RBFOX1: variants seen among roughly 807,000 people sequenced by gnomAD.
The protein encoded by RBFOX1 is RNA binding fox-1 homolog 1, also known as RNA binding protein fox-1 homolog 1.
Under a neutral mutation model 57.7 loss-of-function variants are expected in RBFOX1, and 8 were observed. The observed-to-expected ratio is 0.14, with a 90% CI of 0.08 to 0.25. The LOEUF (loss-of-function observed/expected upper bound fraction) is 0.25, where lower values mean the gene tolerates loss of function less well. RBFOX1 is among the 10% of genes least tolerant of loss of function. The pLI, the probability that RBFOX1 is intolerant of heterozygous loss-of-function variation, is 1.00. For missense variants in RBFOX1, 611 were observed against 548.5 expected, an observed-to-expected ratio of 1.11 and a Z score of -1.14; for synonymous variants, 326 against 222.4, an observed-to-expected ratio of 1.47 and a Z score of -4.15.
chr16:7,377,026 A>G (rs533185941), intron 4 of RBFOX1, among the ~76,000 whole-genome samples: 6 of 152,318 alleles, frequency 3.9e-5, no homozygotes, highest in African/African-American at 1.4e-4. Context: ...AGGTCCCTGT[A>G]AAGATTTCTT....
chr16:6,370,305 C>G (rs1173586216), intron 2 of RBFOX1, among the ~76,000 whole-genome samples: 1 of 131,136 alleles, frequency 7.6e-6, no homozygotes, highest in African/African-American at 2.9e-5. Context: ...TTGCAGTGAG[C>G]CGAGATCATG....
At chr16:7,192,660 C>T (rs953656766) in intron 4 of RBFOX1, among the ~76,000 whole-genome samples, 3 of 152,040 alleles carry the variant, frequency 2.0e-5, no homozygotes, top group African/African-American at 2.4e-5. Flanking sequence ...ATTGTTTCGA[C>T]GTCAATTTCC....
At chr16:7,657,681 A>G (rs1466834848) in intron 12 of RBFOX1, among the ~76,000 whole-genome samples, 1 of 152,184 alleles carries the variant, frequency 6.6e-6, no homozygotes, top group African/African-American at 2.4e-5. Flanking sequence ...CATGCAGCTG[A>G]AGAACATCGG....
At chr16:6,740,811 G>A (rs1357399742) in intron 3 of RBFOX1, among the ~76,000 whole-genome samples, 3 of 152,042 alleles carry the variant, frequency 2.0e-5, no homozygotes, top group Non-Finnish European at 2.9e-5. Flanking sequence ...GATACACAGA[G>A]GTAATGCAAT....
chr16:6,806,958 T>G (rs966545459), intron 3 of RBFOX1, among the ~76,000 whole-genome samples: 2 of 150,530 alleles, frequency 1.3e-5, no homozygotes, highest in Non-Finnish European at 3.0e-5. Context: ...CTCAGCCTCC[T>G]AAGTAGCTGA....
At chr16:6,742,523 A>T (rs1276092644) in intron 3 of RBFOX1, among the ~76,000 whole-genome samples, 2 of 152,210 alleles carry the variant, frequency 1.3e-5, no homozygotes. Flanking sequence ...AAAACCCCAG[A>T]AAGCTATACA....
At chr16:6,502,308 C>T (rs770920864) in intron 2 of RBFOX1, among the ~76,000 whole-genome samples, 2 of 152,106 alleles carry the variant, frequency 1.3e-5, no homozygotes, top group South Asian at 4.1e-4. Context: ...TGGCATGCCA[C>T]CTTTAAGGGC....
chr16:7,169,052 G>C (rs755311427), intron 4 of RBFOX1, among the ~76,000 whole-genome samples: 10 of 152,224 alleles, frequency 6.6e-5, no homozygotes, highest in Non-Finnish European at 1.5e-4. Context: ...TACAGTGACA[G>C]TGTAGTTTGC....
chr16:5,574,330 C>G (rs551510757), intron 2 of RBFOX1, among the ~76,000 whole-genome samples: 7 of 152,188 alleles, frequency 4.6e-5, no homozygotes, highest in African/African-American at 1.7e-4. Flanking sequence ...CCTCCTAACT[C>G]TCTGTATAGG....
At chr16:6,125,388 C>T (rs923976145) in intron 1 of RBFOX1, among the ~76,000 whole-genome samples, 11 of 152,200 alleles carry the variant, frequency 7.2e-5, no homozygotes, top group Non-Finnish European at 2.9e-5. Context: ...GTTGGGAATG[C>T]TCTTGTTTGC....
chr16:7,561,964 G>A (rs2090475869), intron 5 of RBFOX1, among the ~76,000 whole-genome samples: 1 of 152,088 alleles, frequency 6.6e-6, no homozygotes, highest in African/African-American at 2.4e-5. Context: ...GGTTGGCCTT[G>A]ATTTCTGAGT....
At chr16:5,251,880 A>C (rs752441022) in intron 1 of RBFOX1, among the ~76,000 whole-genome samples, 1 of 152,014 alleles carries the variant, frequency 6.6e-6, no homozygotes, top group Admixed American at 6.5e-5. Flanking sequence ...AATTAAATGG[A>C]ATTAACTTCA....
intron 3 of RBFOX1, among the ~76,000 whole-genome samples, chr16:6,902,888 T>C (rs1386568074): frequency 6.6e-6 from 1 of 152,204 alleles, no homozygotes; most frequent in Non-Finnish European, 1.5e-5. Flanking sequence ...TTGACTAAGC[T>C]CCTACTTTAG....
At chr16:6,173,685 C>T (rs916982025) in intron 1 of RBFOX1, among the ~76,000 whole-genome samples, 3 of 144,314 alleles carry the variant, frequency 2.1e-5, no homozygotes, top group Non-Finnish European at 4.5e-5. Flanking sequence ...TGTCAGCTCA[C>T]TGCAACCTCT....
chr16:5,797,810 C>G (rs1424632789), intron 3 of RBFOX1, among the ~76,000 whole-genome samples: 4 of 152,108 alleles, frequency 2.6e-5, no homozygotes, highest in African/African-American at 9.7e-5. Flanking sequence ...ATTACACTGA[C>G]CTGAGTGATG....
intron 3 of RBFOX1, among the ~76,000 whole-genome samples, chr16:6,910,840 C>G (rs569404244): frequency 2.0e-5 from 3 of 152,266 alleles, no homozygotes; most frequent in Admixed American, 6.5e-5. Flanking sequence ...AAGCTTATAT[C>G]CAGAAGAATG....
At chr16:5,702,056 T>G (rs532325396) in intron 3 of RBFOX1, among the ~76,000 whole-genome samples, 20 of 152,254 alleles carry the variant, frequency 1.3e-4, no homozygotes, top group African/African-American at 4.6e-4. Context: ...TAGCCATAAG[T>G]AGCTATCAGT....
At chr16:7,388,212 C>T (rs796997786) in intron 4 of RBFOX1, among the ~76,000 whole-genome samples, 5 of 152,082 alleles carry the variant, frequency 3.3e-5, no homozygotes, top group Non-Finnish European at 5.9e-5. Context: ...TGGCAGAGTT[C>T]TACAGACACA....
intron 3 of RBFOX1, among the ~76,000 whole-genome samples, chr16:6,852,802 C>T (rs1403399223): frequency 6.6e-6 from 1 of 151,474 alleles, no homozygotes; most frequent in African/African-American, 2.4e-5. Flanking sequence ...AACTAGCTGT[C>T]CAGGTGAGAT....
Sources: allele counts gnomAD v4.1 joint callset (sites outside exome capture counted in the v4.1 genomes callset), GRCh38; gene constraint gnomAD v4.1.1; transcripts MANE v1.5; gene names NCBI Gene and HGNC (gene_info 2026-07-23, HGNC 2026-07-21).